GALNT7: variants seen among roughly 807,000 people sequenced by gnomAD.
GALNT7 encodes the protein N-acetylgalactosaminyltransferase 7.
Under a neutral mutation model 82.1 loss-of-function variants are expected in GALNT7, and 60 were observed. That is an observed-to-expected ratio of 0.73 (90% CI 0.59 to 0.91). GALNT7 has a LOEUF of 0.91. Among genes scored for constraint, GALNT7 ranks in the 40% least tolerant of loss-of-function variants. The pLI is 0.00. For missense variants in GALNT7, 660 were observed against 804.2 expected (o/e 0.82, Z 2.17); for synonymous variants, 243 against 275.1 (o/e 0.88, Z 1.15).
At chr4:173,191,448 C>A (rs1732626547) in intron 1 of GALNT7, among the ~76,000 whole-genome samples, 1 of 152,214 alleles carries the variant, frequency 6.6e-6, no homozygotes, top group South Asian at 2.1e-4. Flanking sequence ...AGGCTGTTGG[C>A]AAGAAATTTT....
intron 2 of GALNT7, among the ~76,000 whole-genome samples, chr4:173,276,363 A>G (rs6553689): frequency 0.99 from 151,205 of 152,266 alleles, 75,086 homozygotes; most frequent in Non-Finnish European, 1. Context: ...TGACCTTCAC[A>G]GGGATTGATT....
intron 2 of GALNT7, among the ~76,000 whole-genome samples, chr4:173,253,716 G>A (rs956240188): frequency 6.6e-6 from 1 of 152,156 alleles, no homozygotes; most frequent in Non-Finnish European, 1.5e-5. Context: ...ACAGAAAGAG[G>A]CTGGTTAGGA....
At chr4:173,321,443 A>T (rs925582741) in intron 11 of GALNT7, 137 bp from the exon 12 acceptor site, 2 of 634,098 alleles carry the variant, frequency 3.2e-6, no homozygotes, top group Admixed American at 5.4e-5. Flanking sequence ...AATCAAGAGA[A>T]ATCCAAAGTC....
chr4:173,252,809 A>C (rs546395441), intron 2 of GALNT7, among the ~76,000 whole-genome samples: 4 of 152,344 alleles, frequency 2.6e-5, no homozygotes, highest in Admixed American at 2.6e-4. Context: ...GAGAAAGGAA[A>C]GAATGCCATA....
At chr4:173,279,690 A>G (rs1372305317) in intron 2 of GALNT7, among the ~76,000 whole-genome samples, 1 of 152,150 alleles carries the variant, frequency 6.6e-6, no homozygotes, top group Non-Finnish European at 1.5e-5. Context: ...ATAAAAATGG[A>G]GGCCGGGCAT....
At chr4:173,287,541 T>C (rs1397229787) in intron 2 of GALNT7, among the ~76,000 whole-genome samples, 2 of 152,234 alleles carry the variant, frequency 1.3e-5, no homozygotes, top group East Asian at 3.9e-4. Context: ...AGTCTCCTTC[T>C]CTTCAGAGTG....
chr4:173,178,631 C>G (rs903826932), intron 1 of GALNT7, among the ~76,000 whole-genome samples: 4 of 152,210 alleles, frequency 2.6e-5, no homozygotes, highest in African/African-American at 4.8e-5. Context: ...TTTAAACATG[C>G]CGACAGGGAG....
intron 1 of GALNT7, among the ~76,000 whole-genome samples, chr4:173,230,396 A>G (rs1420646367): frequency 6.6e-6 from 1 of 152,164 alleles, no homozygotes; most frequent in East Asian, 1.9e-4. Context: ...TAAAATGATT[A>G]TTTTAATGGT....
At chr4:173,193,812 A>T (rs1732695206) in intron 1 of GALNT7, among the ~76,000 whole-genome samples, 1 of 152,202 alleles carries the variant, frequency 6.6e-6, no homozygotes, top group Non-Finnish European at 1.5e-5. Flanking sequence ...TCTAAAGAAT[A>T]TGAAATTAAT....
At chr4:173,239,801 AT>A (rs781473805) in intron 1 of GALNT7, among the ~76,000 whole-genome samples, 6 of 152,172 alleles carry the variant, frequency 3.9e-5, no homozygotes, top group Non-Finnish European at 8.8e-5. Context: ...TTATTTTGTA[AT>A]TTACCATGAT....
intron 1 of GALNT7, chr4:173,169,564 A>T (rs1381909934): frequency 6.6e-6 from 1 of 151,104 alleles, no homozygotes; most frequent in African/African-American, 2.4e-5. Flanking sequence ...TCCGGCTCTT[A>T]CGGAGAGCGC....
chr4:173,304,158 A>G, intron 8 of GALNT7, 40 bp downstream of exon 8: 1 of 1,580,326 alleles, frequency 6.3e-7, no homozygotes, highest in Non-Finnish European at 8.7e-7. Context: ...GGGAACTAAC[A>G]TTTATGTACC....
intron 2 of GALNT7, among the ~76,000 whole-genome samples, chr4:173,282,838 C>T (rs548841515): frequency 1.3e-5 from 2 of 152,260 alleles, no homozygotes; most frequent in South Asian, 4.1e-4. Context: ...CTATAGTTAA[C>T]GTCTGTTAAG....
chr4:173,229,130 AGTGAC>A (rs1733938301), intron 1 of GALNT7, among the ~76,000 whole-genome samples: 1 of 152,238 alleles, frequency 6.6e-6, no homozygotes, highest in Non-Finnish European at 1.5e-5. Context: ...TATGTGCCAA[AGTGAC>A]TAGCTGAAAA....
chr4:173,237,759 TAAA>T (rs34258933), intron 1 of GALNT7, among the ~76,000 whole-genome samples: 19 of 144,408 alleles, frequency 1.3e-4, no homozygotes, highest in Admixed American at 1.4e-4. Flanking sequence ...TTCCCTGGAT[TAAA>T]AAAAAAAAAA....
chr4:173,171,043 A>AT (rs1731848711), intron 1 of GALNT7, among the ~76,000 whole-genome samples: 2 of 152,236 alleles, frequency 1.3e-5, no homozygotes, highest in African/African-American at 4.8e-5. Context: ...CAAAAGGTAG[A>AT]TTTTAAAGAC....
chr4:173,213,111 G>A (rs1733334284), intron 1 of GALNT7, among the ~76,000 whole-genome samples: 2 of 152,114 alleles, frequency 1.3e-5, no homozygotes, highest in African/African-American at 4.8e-5. Context: ...GTAATTTTAA[G>A]TTGACGAGAT....
intron 2 of GALNT7, among the ~76,000 whole-genome samples, chr4:173,281,358 T>C (rs1736102120): frequency 6.6e-6 from 1 of 152,200 alleles, no homozygotes; most frequent in Non-Finnish European, 1.5e-5. Flanking sequence ...CTTATCTCCA[T>C]TTTGGCCCTC....
At chr4:173,187,392 A>C (rs1732494307) in intron 1 of GALNT7, among the ~76,000 whole-genome samples, 1 of 152,086 alleles carries the variant, frequency 6.6e-6, no homozygotes, top group Non-Finnish European at 1.5e-5. Flanking sequence ...AGAAAAAAAA[A>C]AAAAACCTGT....
Sources: gnomAD v4.1 joint callset for allele counts (sites outside exome capture counted in the v4.1 genomes callset) on GRCh38, gnomAD v4.1.1 for gene constraint, MANE v1.5 for transcripts, NCBI Gene and HGNC (gene_info 2026-07-23, HGNC 2026-07-21) for gene names.